The following GRAP2 variants were observed in gnomAD, a reference collection of about 807,000 sequenced individuals.
GRAP2 encodes GRB2-related adapter protein 2.
GRAP2 carries 31 observed loss-of-function variants against 43.5 expected under a neutral mutation model. The observed-to-expected ratio is 0.71, with a 90% CI of 0.54 to 0.96. The LOEUF (loss-of-function observed/expected upper bound fraction) is 0.96. Among genes scored for constraint, GRAP2 ranks in the 40% least tolerant of loss-of-function variants. GRAP2 has a pLI of 0.00. For missense variants in GRAP2, 371 were observed against 424.4 expected (o/e 0.87, Z 1.11); for synonymous variants, 156 against 164.8 (o/e 0.95, Z 0.41).
At chr22:39,896,677 G>A (rs1053994020), upstream of GRAP2, among the ~76,000 whole-genome samples, 1 of 152,302 alleles carries the variant, frequency 6.6e-6, no homozygotes, top group South Asian at 2.1e-4. Context: ...AATAAACAGT[G>A]AGGGAGTTGG....
chr22:39,968,590 GC>G (rs1360572950), intron 6 of GRAP2: 4 of 401,562 alleles, frequency 1.0e-5, no homozygotes, highest in Non-Finnish European at 1.3e-5. Context: ...ATCTATTCAT[GC>G]CCCTTAGCCC....
rs975098053 is a variant in GRAP2, at chr22:39,918,478, A to G, written c.-15+17148A>G. On this transcript the variant is annotated intron_variant, in intron 1 of 7. Coordinates refer to ENST00000344138, the MANE Select transcript of GRAP2 (RefSeq NM_004810.4). Reference sequence around the variant, plus strand: ...AAGTCTCTGCCGTGTTTCGACACTGAGTTGTGTCTTGTTGTTTAAAAATAA... The same window carrying G: ...AAGTCTCTGCCGTGTTTCGACACTGGGTTGTGTCTTGTTGTTTAAAAATAA... Among the ~76,000 whole-genome samples the G allele has an allele frequency of 2.6e-5, 4 of 152,204 alleles. No individual in the cohort carries two copies. The East Asian group carries it at 7.7e-4, about 29-fold the overall frequency.
chr22:39,969,390 T>C, intron 6 of GRAP2, 21 bp from the exon 7 acceptor site: 1 of 1,613,054 alleles, frequency 6.2e-7, no homozygotes, highest in Non-Finnish European at 8.5e-7. Context: ...GGGTGACCAG[T>C]CTTCTGTTGT....
intron 1 of GRAP2, chr22:39,926,639 G>A (rs2066702695): frequency 2.0e-6 from 2 of 985,256 alleles, no homozygotes; most frequent in South Asian, 4.7e-5. Flanking sequence ...TTAAGTCTGA[G>A]TTCCTCAATC....
intron 3 of GRAP2, 95 bp from the exon 4 acceptor site, chr22:39,959,960 C>T: frequency 8.7e-7 from 1 of 1,149,616 alleles, no homozygotes; most frequent in Non-Finnish European, 1.3e-6. Flanking sequence ...ACAGAGTCCC[C>T]AGCCTCTTTC....
At chr22:39,953,757 G>A (rs1420113835) in intron 2 of GRAP2, among the ~76,000 whole-genome samples, 2 of 152,112 alleles carry the variant, frequency 1.3e-5, no homozygotes, top group Non-Finnish European at 2.9e-5. Context: ...CTACAGGTGC[G>A]CTTCCACCAC....
At chr22:39,917,836 A>G (rs905427710) in intron 1 of GRAP2, among the ~76,000 whole-genome samples, 2 of 152,198 alleles carry the variant, frequency 1.3e-5, no homozygotes, top group African/African-American at 2.4e-5. Flanking sequence ...TTTCTTGCTC[A>G]CATATTTGAT....
At chr22:39,920,638 C>A (rs1282428267) in intron 1 of GRAP2, among the ~76,000 whole-genome samples, 1 of 152,180 alleles carries the variant, frequency 6.6e-6, no homozygotes, top group Admixed American at 6.5e-5. Flanking sequence ...GACCCCACTT[C>A]ATGTGCCCCA....
upstream of GRAP2, among the ~76,000 whole-genome samples, chr22:39,898,812 CCAAAAAACAAAATAAAA>C (rs1166281026): frequency 1.3e-5 from 2 of 151,840 alleles, no homozygotes; most frequent in African/African-American, 4.8e-5. Flanking sequence ...GACTCAGTCT[CCAAAAAACAAAATAAAA>C]CAAAAAACAA....
intron 1 of GRAP2, among the ~76,000 whole-genome samples, chr22:39,939,577 A>AAAG (rs1464217800): frequency 6.7e-6 from 1 of 149,234 alleles, no homozygotes; most frequent in East Asian, 2.0e-4. Flanking sequence ...AAAAAAAAAA[A>AAAG]AAAAAGAAAT....
In GRAP2 at chr22:39,957,517, A is replaced by G. The variant is rs117480863; in HGVS notation, c.170+1607A>G. Among the ~76,000 whole-genome samples, 69 of 152,280 alleles carry G rather than the reference A, an allele frequency of 4.5e-4. No homozygotes were observed. In the East Asian group the frequency reaches 0.012, roughly 27 times the overall value. ...AAGGAACTGTCACTGCTTCTAGCAG[A>G]AATTCTCCTCTCTCTCTCTTCCACG... On this transcript the variant is annotated intron_variant, in intron 3 of 7. Transcript: ENST00000344138.
chr22:39,940,312 T>C (rs567080749), intron 1 of GRAP2, among the ~76,000 whole-genome samples: 6 of 151,834 alleles, frequency 4.0e-5, no homozygotes, highest in Admixed American at 2.0e-4. Flanking sequence ...TATTGTCATC[T>C]GAGAGCCCAA....
At chr22:39,966,198 A>G (rs375513433) in intron 5 of GRAP2, 40 bp downstream of exon 5, 9 of 1,551,384 alleles carry the variant, frequency 5.8e-6, no homozygotes, top group Non-Finnish European at 8.0e-6. Context: ...TAGAGATTTT[A>G]GGCAGCCTGA....
In GRAP2 at chr22:39,960,101, A is replaced by G. The variant is rs2067101905; in HGVS notation, c.217A>G (p.Met73Val). 1.9e-6 allele frequency: 3 copies of G among 1,612,738 alleles called. No individual in the cohort carries two copies. The highest frequency in any genetic ancestry group is 2.5e-6 in the Non-Finnish European group (3 of 1,178,726). Residue 73 changes from methionine to valine, a missense_variant, in exon 4 of 8, where the codon ATG (methionine) becomes GTG (valine). Coordinates refer to ENST00000344138, the MANE Select transcript of GRAP2 (RefSeq NM_004810.4). Reference sequence around the variant, plus strand: ...TCGACACCAGGCAGAGAACTTACTCATGGGCAAGGAGGTTGGCTTCTTCAT... The same window carrying G: ...TCGACACCAGGCAGAGAACTTACTCGTGGGCAAGGAGGTTGGCTTCTTCAT... ...LSRHQAENLL[M>V]GKEVGFFIIR...
At chr22:39,949,609 G>A (rs1377104933) in intron 2 of GRAP2, among the ~76,000 whole-genome samples, 41 of 152,172 alleles carry the variant, frequency 2.7e-4, no homozygotes, top group Non-Finnish European at 8.8e-5. Flanking sequence ...GAGTCAGATG[G>A]ATCTGAGTTT....
chr22:39,930,497 T>TA (rs1372323724), intron 1 of GRAP2, among the ~76,000 whole-genome samples: 1 of 152,170 alleles, frequency 6.6e-6, no homozygotes. Context: ...ACTATGGAGA[T>TA]AAAAACATGT....
intron 2 of GRAP2, chr22:39,947,749 C>G (rs2066939191): frequency 6.5e-6 from 1 of 153,322 alleles, no homozygotes; most frequent in Non-Finnish European, 1.5e-5. Context: ...TAAAGCTTGT[C>G]CTCATCCTGC....
Position 39,904,900 on chromosome 22 carries a change from C to G in GRAP2, c.-15+3570C>G, listed in dbSNP as rs144504817. ...GTTGCCTCATGGTTAATTTGTTCCTCTACCCACTTTATTTCTCATAAGCTC... is the reference window on the plus strand; with the variant it reads ...GTTGCCTCATGGTTAATTTGTTCCTGTACCCACTTTATTTCTCATAAGCTC... On this transcript the variant is annotated intron_variant, in intron 1 of 7. Transcript: ENST00000344138. 2.4e-4 allele frequency among the ~76,000 whole-genome samples: 36 copies of G among 152,304 alleles called. No individual in the cohort carries two copies. In the East Asian group the frequency reaches 6.0e-3, roughly 25 times the overall value.
chr22:39,955,924 GC>G lies in GRAP2; in HGVS notation c.170+16del. 8.2e-7 allele frequency: 1 copy of G among 1,216,188 alleles called. No individual in the cohort carries two copies. The highest frequency in any genetic ancestry group is 1.2e-6 in the Non-Finnish European group (1 of 816,366). The allele number at this position is 1,216,188 out of a possible 1,614,324, so 75.3% of individuals were successfully genotyped here. A position where few individuals can be genotyped will look rare whatever the true frequency, so the allele number is the denominator to read the frequency against. On this transcript the variant is annotated intron_variant, in intron 3 of 7. Transcript: ENST00000344138. ...CCAGTTTCCCAAGTAAGTATCTGCA[GC>G]CTGCTGAGATGGGCCTAGCCACACA...
Sources: gnomAD v4.1 joint callset for allele counts (sites outside exome capture counted in the v4.1 genomes callset) on GRCh38, gnomAD v4.1.1 for gene constraint, MANE v1.5 for transcripts, NCBI Gene and HGNC (gene_info 2026-07-23, HGNC 2026-07-21) for gene names.